Variants in RAB21 observed in about 807,000 individuals in gnomAD.
RAB21 encodes RAB21, member RAS oncogene family.
RAB21 carries 13 observed loss-of-function variants against 33.1 expected under a neutral mutation model. That is an observed-to-expected ratio of 0.39 (90% CI 0.26 to 0.62). The LOEUF is 0.62. Ranked by LOEUF, RAB21 falls within the 20% of genes least tolerant of loss-of-function variation. RAB21 has a pLI of 0.48. For synonymous variants in RAB21, 91 were observed against 103.7 expected (o/e 0.88, Z 0.74); for missense variants, 234 against 279.1 (o/e 0.84, Z 1.15).
rs2137665426 is a variant in RAB21, at chr12:71,791,769, T to A, written c.*6096T>A. 6.6e-6 allele frequency: 1 copy of A among 152,340 alleles called. No homozygotes were observed. Among genetic ancestry groups the A allele is most frequent in the Middle Eastern group, 3.4e-3 (1 of 294 alleles). The allele number at this position is 152,340 out of a possible 1,614,324, so 9.4% of individuals were successfully genotyped here. ...CAGTTTTATATTTATATTTGGCCTT[T>A]GTAAATTTTCCATTCCCTGAATGGA... On this transcript the variant is annotated 3_prime_UTR_variant, in exon 7 of 7. Coordinates refer to ENST00000261263, the MANE Select transcript of RAB21 (RefSeq NM_014999.4).
At position 71,799,477 on chromosome 12, in the gene RAB21, T is replaced by A. The variant is rs1883509805; in HGVS notation, c.*13804T>A. 6.6e-6 allele frequency: 1 copy of A among 152,258 alleles called. No individual in the cohort carries two copies. Among genetic ancestry groups the A allele is most frequent in the Non-Finnish European group, 1.5e-5 (1 of 68,050 alleles). 9.4% of individuals were successfully genotyped at this position (152,258 alleles called of 1,614,324 possible). A position where few individuals can be genotyped will look rare whatever the true frequency, so the allele number is the denominator to read the frequency against. ...TTTCTTTTGACCTAGCAGTTTCACTTCTTGGAATATATCCTGTAAATATGC... is the reference window on the plus strand; with the variant it reads ...TTTCTTTTGACCTAGCAGTTTCACTACTTGGAATATATCCTGTAAATATGC... On this transcript the variant is annotated 3_prime_UTR_variant, in exon 7 of 7. Transcript: ENST00000261263.
In RAB21 at chr12:71,794,024, G is replaced by A. The variant is rs1290811928; in HGVS notation, c.*8351G>A. ...CCTTAAACCCAGGAATTCAAGACCA[G>A]TGTAGACAACATGGCGAAACCCCAT... On this transcript the variant is annotated 3_prime_UTR_variant, in exon 7 of 7. Coordinates refer to ENST00000261263, the MANE Select transcript of RAB21 (RefSeq NM_014999.4). 2 of 152,138 alleles carry A rather than the reference G, an allele frequency of 1.3e-5. No homozygotes were observed. Among genetic ancestry groups the A allele is most frequent in the Non-Finnish European group, 2.9e-5 (2 of 68,076 alleles). The allele number at this position is 152,138 out of a possible 1,614,324, so 9.4% of individuals were successfully genotyped here.
Position 71,785,840 on chromosome 12 carries a change from G to A in RAB21, c.*167G>A. ...GCAGAGACCTTAAGTGCTAAACTTA[G>A]TGGAGTTTGTGACCAGAGAATTGGC... On this transcript the variant is annotated 3_prime_UTR_variant, in exon 7 of 7. Transcript: ENST00000261263. The A allele has an allele frequency of 1.6e-6, 1 of 639,750 alleles. No homozygotes were observed. The highest frequency in any genetic ancestry group is 2.5e-6 in the Non-Finnish European group (1 of 406,304). The allele number at this position is 639,750 out of a possible 1,614,324, so 39.6% of individuals were successfully genotyped here.
At chr12:71,776,658 A>G (rs1883124095) in intron 4 of RAB21, among the ~76,000 whole-genome samples, 1 of 151,964 alleles carries the variant, frequency 6.6e-6, no homozygotes, top group African/African-American at 2.4e-5. Flanking sequence ...AGTTGGGAGA[A>G]TTCTGAGAAC....
chr12:71,771,575 A>G (rs1883042632), intron 3 of RAB21, among the ~76,000 whole-genome samples: 2 of 152,238 alleles, frequency 1.3e-5, no homozygotes, highest in Non-Finnish European at 1.5e-5. Context: ...ATGAAACGAT[A>G]GGTACCTTGT....
intron 1 of RAB21, among the ~76,000 whole-genome samples, chr12:71,760,063 T>C (rs1334529126): frequency 6.6e-6 from 1 of 152,232 alleles, no homozygotes; most frequent in East Asian, 1.9e-4. Flanking sequence ...GATTTATGTT[T>C]TTCTTTCATG....
At position 71,754,923 on chromosome 12, in the gene RAB21, C is replaced by T. The variant is rs1005036592; in HGVS notation, c.-207C>T. On this transcript the variant is annotated 5_prime_UTR_variant, in exon 1 of 7. Transcript: ENST00000261263. ...GAGGGATCGTTCTTCGCTTTTCCTCCGGTGCCTGACGTGGTGGGCTGGGGC... is the reference window on the plus strand; with the variant it reads ...GAGGGATCGTTCTTCGCTTTTCCTCTGGTGCCTGACGTGGTGGGCTGGGGC... 16 of 246,288 alleles carry T rather than the reference C, an allele frequency of 6.5e-5. No individual in the cohort carries two copies. The highest frequency in any genetic ancestry group is 2.8e-4 in the African/African-American group (12 of 43,236). 15.3% of individuals were successfully genotyped at this position (246,288 alleles called of 1,614,324 possible).
intron 6 of RAB21, 126 bp from the exon 7 acceptor site, chr12:71,785,405 T>G: frequency 9.0e-7 from 1 of 1,110,340 alleles, no homozygotes; most frequent in Non-Finnish European, 1.3e-6. Flanking sequence ...GACCCAATGT[T>G]CATTATATTT....
chr12:71,770,717 A>G lies in RAB21; in HGVS notation c.327+18A>G, dbSNP rs1405369946. The G allele has an allele frequency of 3.4e-6, 5 of 1,450,780 alleles. No homozygotes were observed. The highest frequency in any genetic ancestry group is 4.6e-5 in the East Asian group (2 of 43,712). The allele number at this position is 1,450,780 out of a possible 1,614,324, so 89.9% of individuals were successfully genotyped here. On this transcript the variant is annotated intron_variant, in intron 3 of 6. Transcript: ENST00000261263. ...TTCAGAAGGTATTCTATTCATGGGT[A>G]GATGTCTTAGAAGAACAATAGTAAT...
intron 1 of RAB21, among the ~76,000 whole-genome samples, chr12:71,762,684 G>A (rs1027708044): frequency 1.3e-5 from 2 of 151,932 alleles, no homozygotes; most frequent in Non-Finnish European, 2.9e-5. Flanking sequence ...GTGGATTCAA[G>A]CAATTCTCCT....
intron 1 of RAB21, among the ~76,000 whole-genome samples, chr12:71,759,825 C>G (rs1336465674): frequency 1.3e-5 from 2 of 152,192 alleles, no homozygotes; most frequent in Non-Finnish European, 2.9e-5. Flanking sequence ...TGAAGTTACA[C>G]TGGGGTTTGA....
rs371430417 is a variant in RAB21 at position 71,782,465 on chromosome 12, CTT to C, written c.447-104_447-103del. 10 of 689,392 alleles carry C rather than the reference CTT, an allele frequency of 1.5e-5. No homozygotes were observed. The African/African-American group carries it at 1.7e-4, about 11-fold the overall frequency. 42.7% of individuals were successfully genotyped at this position (689,392 alleles called of 1,614,324 possible). ...GCTATATAAACTTAATTTCACTAAA[CTT>C]GAGTAAATTAATATGTCACTAAAAC... On this transcript the variant is annotated intron_variant, in intron 5 of 6. Coordinates refer to ENST00000261263, the MANE Select transcript of RAB21 (RefSeq NM_014999.4).
At chr12:71,782,106 A>C (rs1441602790) in intron 5 of RAB21, 21 bp downstream of exon 5, 3 of 1,589,436 alleles carry the variant, frequency 1.9e-6, no homozygotes, top group Non-Finnish European at 2.6e-6. Flanking sequence ...TGACCCTCCC[A>C]TTCCCCATCA....
At chr12:71,757,215 C>A (rs1340096132) in intron 1 of RAB21, among the ~76,000 whole-genome samples, 1 of 152,140 alleles carries the variant, frequency 6.6e-6, no homozygotes, top group South Asian at 2.1e-4. Flanking sequence ...TCAAGTGATT[C>A]TCCTGCGTCA....
Position 71,754,974 on chromosome 12 carries a change from C to G in RAB21, c.-156C>G, listed in dbSNP as rs1418480267. 3.0e-6 allele frequency: 2 copies of G among 663,070 alleles called. No individual in the cohort carries two copies. The highest frequency in any genetic ancestry group is 1.3e-4 in the East Asian group (1 of 7,648). 41.1% of individuals were successfully genotyped at this position (663,070 alleles called of 1,614,324 possible). A position where few individuals can be genotyped will look rare whatever the true frequency, so the allele number is the denominator to read the frequency against. ...CCTTCATTCTCGGACTTTCCCTCAG[C>G]CCTTCCAGGCCTCGCCCGAGGAGGG... On this transcript the variant is annotated 5_prime_UTR_variant, in exon 1 of 7. Coordinates refer to ENST00000261263, the MANE Select transcript of RAB21 (RefSeq NM_014999.4).
chr12:71,784,257 C>G (rs541961566), intron 6 of RAB21, among the ~76,000 whole-genome samples: 3 of 152,140 alleles, frequency 2.0e-5, no homozygotes, highest in South Asian at 2.1e-4. Context: ...TTGTGTATTC[C>G]CATTTTTCTT....
In RAB21 at chr12:71,773,833, G is replaced by A. The variant is rs889748109; in HGVS notation, c.328-126G>A. 1.3e-5 allele frequency: 8 copies of A among 630,180 alleles called. No homozygotes were observed. The South Asian group carries it at 1.4e-4, about 11-fold the overall frequency. The allele number at this position is 630,180 out of a possible 1,614,324, so 39.0% of individuals were successfully genotyped here. On this transcript the variant is annotated intron_variant, in intron 3 of 6. Coordinates refer to ENST00000261263, the MANE Select transcript of RAB21 (RefSeq NM_014999.4). The stretch of plus-strand genomic sequence containing the variant: ...ATGATTCTTCAGTGAATCATTTCTA[G>A]TAATAACTAAATAATATAGACTCTT...
intron 4 of RAB21, among the ~76,000 whole-genome samples, chr12:71,779,843 A>G (rs939995532): frequency 6.6e-6 from 1 of 152,182 alleles, no homozygotes; most frequent in Admixed American, 6.5e-5. Flanking sequence ...TTCCGTATGT[A>G]GCTGCACAGT....
intron 4 of RAB21, among the ~76,000 whole-genome samples, chr12:71,777,721 T>G (rs761621926): frequency 6.6e-6 from 1 of 152,188 alleles, no homozygotes; most frequent in Non-Finnish European, 1.5e-5. Flanking sequence ...AGATCAGCTG[T>G]TTTTTTATGT....
Sources: allele counts gnomAD v4.1 joint callset (sites outside exome capture counted in the v4.1 genomes callset), GRCh38; gene constraint gnomAD v4.1.1; transcripts MANE v1.5; gene names NCBI Gene and HGNC (gene_info 2026-07-23, HGNC 2026-07-21).